The following MED14 variants were observed in gnomAD, a reference collection of about 807,000 sequenced individuals.
MED14 encodes the protein mediator of RNA polymerase II transcription subunit 14.
MED14 carries 8 observed loss-of-function variants against 109.0 expected under a neutral mutation model. The ratio of observed to expected loss-of-function variants is 0.07; its 90% confidence interval spans 0.04 to 0.13. The LOEUF is 0.13. MED14 is among the 10% of genes least tolerant of loss of function. MED14 has a pLI of 1.00. For synonymous variants in MED14, 399 were observed against 408.7 expected, an observed-to-expected ratio of 0.98 and a Z score of 0.29; for missense variants, 711 against 1,142.4, an observed-to-expected ratio of 0.62 and a Z score of 5.44.
chrX:40,682,305 A>G (rs1930147372), intron 18 of MED14, among the ~76,000 whole-genome samples: 1 of 111,880 alleles, frequency 8.9e-6, no homozygotes, highest in South Asian at 3.7e-4. Context: ...AAGATTGTGA[A>G]AACTCATTTG....
intron 10 of MED14, among the ~76,000 whole-genome samples, chrX:40,707,843 TGTG>T (rs1931208022): frequency 9.0e-6 from 1 of 111,557 alleles, no homozygotes; most frequent in African/African-American, 3.3e-5. Context: ...AAAATCAAAT[TGTG>T]GTGATAGTTG....
rs1379511836 is a variant in MED14 at position 40,650,635 on chromosome X, G to T, written c.*1171C>A. Reference sequence around the variant, plus strand: ...GTGCTCCAAAAAGAAACCCTGCAGAGATGTATTAATACCAAAAACTCCATT... The same window carrying T: ...GTGCTCCAAAAAGAAACCCTGCAGATATGTATTAATACCAAAAACTCCATT... On this transcript the variant is annotated 3_prime_UTR_variant, in exon 31 of 31. Transcript: ENST00000324817. 1.3e-6 allele frequency: 1 copy of T among 752,343 alleles called. No homozygotes were observed. The highest frequency in any genetic ancestry group is 1.6e-6 in the Non-Finnish European group (1 of 638,942). 62.0% of individuals were successfully genotyped at this position (752,343 alleles called of 1,213,427 possible). A position where few individuals can be genotyped will look rare whatever the true frequency, so the allele number is the denominator to read the frequency against.
intron 30 of MED14, among the ~76,000 whole-genome samples, chrX:40,653,178 C>T (rs745445767): frequency 3.6e-5 from 4 of 111,559 alleles, no homozygotes; most frequent in Admixed American, 9.6e-5. Context: ...CAGCCATCTG[C>T]TTGTGAAGGA....
At chrX:40,686,507 C>T (rs1214229746) in intron 16 of MED14, among the ~76,000 whole-genome samples, 1 of 111,490 alleles carries the variant, frequency 9.0e-6, no homozygotes, top group Non-Finnish European at 1.9e-5. Context: ...CATTTTAAGA[C>T]TAGCTCTCTC....
chrX:40,718,711 G>A (rs1569297179), intron 3 of MED14, among the ~76,000 whole-genome samples: 1 of 110,915 alleles, frequency 9.0e-6, no homozygotes, highest in African/African-American at 3.3e-5. Context: ...TAGTGTGAGT[G>A]CCTGTGGTCT....
intron 27 of MED14, 46 bp from the exon 28 acceptor site, chrX:40,659,380 C>A: frequency 8.5e-7 from 1 of 1,170,063 alleles, no homozygotes; most frequent in Middle Eastern, 2.4e-4. Flanking sequence ...TACATTAATG[C>A]TTCTGTTTCA....
At position 40,696,949 on chromosome X, in the gene MED14, T is replaced by C. The variant is rs189547186; in HGVS notation, c.1650+75A>G. 6.7e-6 allele frequency: 6 copies of C among 898,612 alleles called. No homozygotes were observed. The East Asian group carries it at 1.6e-4, about 24-fold the overall frequency. The allele number at this position is 898,612 out of a possible 1,213,427, so 74.1% of individuals were successfully genotyped here. A position where few individuals can be genotyped will look rare whatever the true frequency, so the allele number is the denominator to read the frequency against. On this transcript the variant is annotated intron_variant, in intron 13 of 30. Coordinates refer to ENST00000324817, the MANE Select transcript of MED14 (RefSeq NM_004229.4). ...TATTCAATAAAATTCATTGGCAAGT[T>C]AAACAATAAGTCATTCAAGATACTA... is the stretch of plus-strand genomic sequence containing the variant.
chrX:40,669,512 G>C (rs887379660), intron 23 of MED14, among the ~76,000 whole-genome samples: 1 of 111,528 alleles, frequency 9.0e-6, no homozygotes, highest in Non-Finnish European at 1.9e-5. Context: ...CTGCCTACTG[G>C]ACATCTTGAC....
chrX:40,654,542 C>T lies in MED14; in HGVS notation c.4113G>A (p.Gln1371=). The T allele has an allele frequency of 8.3e-7, 1 of 1,210,439 alleles. No homozygotes were observed. The highest frequency in any genetic ancestry group is 3.0e-5 in the East Asian group (1 of 33,837). ...GTTCTTGGGGAGGGACCGATGTTTT[C>T]TGAGTTAGTTGAAGCTGTATACACA... is the stretch of plus-strand genomic sequence containing the variant. The part of the protein sequence containing the change: ...SKMLFFLQLT[Q]KTSVPPQEPV... The change falls in exon 30 of 31, where the codon CAG becomes CAA. Residue 1371 remains glutamine (Q), a synonymous_variant. Coordinates refer to ENST00000324817, the MANE Select transcript of MED14 (RefSeq NM_004229.4).
chrX:40,714,909 A>G (rs1281087543), intron 3 of MED14, 199 bp from the exon 4 acceptor site: 1 of 352,636 alleles, frequency 2.8e-6, no homozygotes, highest in East Asian at 4.6e-5. Flanking sequence ...TAAGAGCAAT[A>G]ATTTTCTGTC....
intron 1 of MED14, among the ~76,000 whole-genome samples, chrX:40,731,154 A>G (rs1023274777): frequency 2.5e-4 from 26 of 104,928 alleles, no homozygotes; most frequent in African/African-American, 8.7e-4. Flanking sequence ...AAAAAAAAAT[A>G]AAGAGTAGAA....
At position 40,682,500 on chromosome X, in the gene MED14, AT is replaced by A. The variant is rs763401872; in HGVS notation, c.2365+102del. ...CTTAAGTTTTATTAGATATACTTTG[AT>A]TTTTTTGCTTGGAACACTGTGCATG... is the stretch of plus-strand genomic sequence containing the variant. On this transcript the variant is annotated intron_variant, in intron 18 of 30. Coordinates refer to ENST00000324817, the MANE Select transcript of MED14 (RefSeq NM_004229.4). 163 of 670,978 alleles carry A rather than the reference AT, an allele frequency of 2.4e-4. 1 individual carries two copies. In the South Asian group the frequency reaches 5.9e-3, roughly 24 times the overall value. 55.3% of individuals were successfully genotyped at this position (670,978 alleles called of 1,213,427 possible).
At chrX:40,715,694 G>A (rs1016037318) in intron 3 of MED14, among the ~76,000 whole-genome samples, 1 of 104,118 alleles carries the variant, frequency 9.6e-6, no homozygotes, top group Admixed American at 1.1e-4. Flanking sequence ...GCTGAGGCAG[G>A]AGAATTGCTT....
intron 3 of MED14, among the ~76,000 whole-genome samples, chrX:40,715,780 C>T (rs191440897): frequency 2.0e-3 from 141 of 68,872 alleles, no homozygotes; most frequent in African/African-American, 8.3e-3. Context: ...AGCGAGACTC[C>T]GTCTCAAAAA....
chrX:40,669,504 GC>G (rs1227617703), intron 23 of MED14, among the ~76,000 whole-genome samples: 3 of 111,605 alleles, frequency 2.7e-5, no homozygotes, highest in African/African-American at 9.8e-5. Flanking sequence ...ACAGCCAACT[GC>G]CTACTGGACA....
chrX:40,703,300 ATCAG>A (rs1165772202), intron 11 of MED14, 140 bp downstream of exon 11: 1 of 447,843 alleles, frequency 2.2e-6, no homozygotes, highest in Non-Finnish European at 3.6e-6. Flanking sequence ...AGGAACTGAC[ATCAG>A]TCAGAGTTAT....
intron 12 of MED14, among the ~76,000 whole-genome samples, chrX:40,697,660 C>A (rs1034402214): frequency 5.4e-5 from 6 of 112,035 alleles, no homozygotes; most frequent in Non-Finnish European, 1.9e-5. Flanking sequence ...TATAGTACTC[C>A]TTTTATTCCT....
At chrX:40,655,803 C>G (rs1929035162) in intron 28 of MED14, among the ~76,000 whole-genome samples, 1 of 111,469 alleles carries the variant, frequency 9.0e-6, no homozygotes, top group Non-Finnish European at 1.9e-5. Flanking sequence ...AACACTGTTG[C>G]CCCAATATTT....
Position 40,726,796 on chromosome X carries a change from A to G in MED14, c.298T>C (p.Leu100=). The G allele has an allele frequency of 8.3e-7, 1 of 1,209,574 alleles. No individual in the cohort carries two copies. ...TTATTAGCCCATTTCACTAAAGCTA[A>G]TAATCGAACGAAGAGTTGGCGTGTC... ...SRTRQLFVRL[L]ALVKWANNAG... is the part of the protein sequence containing the mutation. Residue 100 remains leucine (L), a synonymous_variant, in exon 3 of 31, where the codon TTA becomes CTA. Coordinates refer to ENST00000324817, the MANE Select transcript of MED14 (RefSeq NM_004229.4).
Sources: allele counts gnomAD v4.1 joint callset (sites outside exome capture counted in the v4.1 genomes callset), GRCh38; gene constraint gnomAD v4.1.1; transcripts MANE v1.5; gene names NCBI Gene and HGNC (gene_info 2026-07-23, HGNC 2026-07-21).